Variants in MYO16 observed in about 807,000 individuals in gnomAD.
The protein encoded by MYO16 is unconventional myosin-XVI.
MYO16 carries 94 observed loss-of-function variants against 205.3 expected under a neutral mutation model. That is an observed-to-expected ratio of 0.46 (90% CI 0.39 to 0.54). The LOEUF is 0.54. Among genes scored for constraint, MYO16 ranks in the 20% least tolerant of loss-of-function variants. The pLI is 0.00. For synonymous variants in MYO16, 988 were observed against 954.0 expected (o/e 1.04, Z -0.66); for missense variants, 2,315 against 2,387.5 (o/e 0.97, Z 0.63).
intron 5 of MYO16, among the ~76,000 whole-genome samples, chr13:108,792,755 G>C (rs1886656123): frequency 6.6e-6 from 1 of 151,900 alleles, no homozygotes; most frequent in South Asian, 2.1e-4. Context: ...CAGGTGATCT[G>C]CCCACCTTGG....
intron 1 of MYO16, among the ~76,000 whole-genome samples, chr13:108,635,417 C>T (rs978904715): frequency 6.6e-6 from 1 of 151,920 alleles, no homozygotes; most frequent in African/African-American, 2.4e-5. Flanking sequence ...GTTTTTAATC[C>T]TTTTACTTAT....
At chr13:109,085,389 G>A (rs936698325) in intron 27 of MYO16, among the ~76,000 whole-genome samples, 1 of 152,194 alleles carries the variant, frequency 6.6e-6, no homozygotes, top group Non-Finnish European at 1.5e-5. Context: ...GATGTGGAAG[G>A]ACCACAAGTT....
chr13:108,906,113 A>G (rs1880961683), intron 15 of MYO16, among the ~76,000 whole-genome samples: 1 of 152,144 alleles, frequency 6.6e-6, no homozygotes, highest in South Asian at 2.1e-4. Context: ...AATATTCAGT[A>G]TGTTAACATT....
chr13:109,021,339 G>T (rs1226104866), intron 23 of MYO16, among the ~76,000 whole-genome samples: 3 of 152,080 alleles, frequency 2.0e-5, no homozygotes, highest in African/African-American at 7.2e-5. Context: ...TGCTGCTACA[G>T]CTACTGCTAC....
At chr13:109,180,029 A>C (rs1283685417) in intron 34 of MYO16, among the ~76,000 whole-genome samples, 7 of 152,128 alleles carry the variant, frequency 4.6e-5, no homozygotes, top group African/African-American at 1.7e-4. Context: ...TGCTTGAACC[A>C]CCTGTGGTTT....
chr13:108,712,782 T>C (rs781737507), intron 3 of MYO16, 51 bp downstream of exon 3: 1 of 1,445,834 alleles, frequency 6.9e-7, no homozygotes, highest in Admixed American at 2.1e-5. Flanking sequence ...CGGGGGAGAG[T>C]ACATTACAGG....
chr13:108,844,534 T>C (rs367698620), intron 10 of MYO16, 41 bp downstream of exon 10: 1 of 1,533,336 alleles, frequency 6.5e-7, no homozygotes. Context: ...TACTTTTTCA[T>C]ATCAAGTAAT....
At chr13:108,501,942 T>C in the MYO16 span, among the ~76,000 whole-genome samples, 1 of 152,044 alleles carries the variant, frequency 6.6e-6, no homozygotes, top group African/African-American at 2.4e-5. Context: ...AGACTGGACA[T>C]ATAAAAATAA....
intron 27 of MYO16, among the ~76,000 whole-genome samples, chr13:109,086,370 G>T (rs1888435480): frequency 6.6e-6 from 1 of 152,154 alleles, no homozygotes. Flanking sequence ...ATCAAAAGAG[G>T]TAACTTCCAG....
chr13:109,065,521 A>G (rs1887718079), intron 27 of MYO16: 1 of 433,588 alleles, frequency 2.3e-6, no homozygotes, highest in Non-Finnish European at 4.5e-6. Context: ...ATAGGAGGCC[A>G]TGCTGAAAAA....
chr13:108,743,610 A>G (rs1884974760), intron 4 of MYO16, among the ~76,000 whole-genome samples: 1 of 152,198 alleles, frequency 6.6e-6, no homozygotes, highest in Non-Finnish European at 1.5e-5. Context: ...TGGAAATTGC[A>G]GGGAACATTT....
chr13:108,672,163 C>A (rs1882016970), intron 2 of MYO16, among the ~76,000 whole-genome samples: 1 of 152,136 alleles, frequency 6.6e-6, no homozygotes, highest in Admixed American at 6.6e-5. Flanking sequence ...TGAAAGTAAT[C>A]TCTTTAGAAA....
At chr13:109,136,487 T>A (rs991596867) in intron 31 of MYO16, among the ~76,000 whole-genome samples, 1 of 152,202 alleles carries the variant, frequency 6.6e-6, no homozygotes, top group African/African-American at 2.4e-5. Flanking sequence ...CTTGTTCCTT[T>A]ATAGTGAATA....
chr13:108,961,510 T>A, intron 17 of MYO16, 29 bp from the exon 18 acceptor site: 1 of 1,570,726 alleles, frequency 6.4e-7, no homozygotes, highest in Non-Finnish European at 8.8e-7. Flanking sequence ...AAGCACCCTA[T>A]TCATTCTCTC....
rs183513503 is a variant in MYO16 at position 108,936,057 on chromosome 13, C to G, written c.1926-21631C>G. Reference sequence around the variant, plus strand: ...TAGTATTTCGTTGAGATTTTTGTGTCTATGTTCATCAGGGATATTGGCTAT... The same window carrying G: ...TAGTATTTCGTTGAGATTTTTGTGTGTATGTTCATCAGGGATATTGGCTAT... On this transcript the variant is annotated intron_variant, in intron 16 of 34. Transcript: ENST00000457511. 4.6e-5 allele frequency among the ~76,000 whole-genome samples: 7 copies of G among 151,646 alleles called. No homozygotes were observed. In the East Asian group the frequency reaches 1.4e-3, roughly 29 times the overall value.
intron 11 of MYO16, among the ~76,000 whole-genome samples, chr13:108,862,045 T>C (rs940660982): frequency 2.6e-5 from 4 of 152,178 alleles, no homozygotes; most frequent in African/African-American, 9.7e-5. Context: ...TTTATTATTT[T>C]AGCATTTACA....
intron 4 of MYO16, among the ~76,000 whole-genome samples, chr13:108,734,448 A>G (rs1159309643): frequency 1.3e-5 from 2 of 152,130 alleles, no homozygotes; most frequent in Non-Finnish European, 2.9e-5. Context: ...AGATAATCAT[A>G]TTTTCAACAT....
chr13:108,650,443 A>G (rs148879362), intron 1 of MYO16, among the ~76,000 whole-genome samples: 5 of 152,306 alleles, frequency 3.3e-5, no homozygotes, highest in East Asian at 1.9e-4. Flanking sequence ...GCACCAGAGA[A>G]TTTGCCTATT....
chr13:108,724,721 G>T (rs1222601270), intron 3 of MYO16, among the ~76,000 whole-genome samples: 1 of 151,946 alleles, frequency 6.6e-6, no homozygotes, highest in African/African-American at 2.4e-5. Flanking sequence ...GTTTCAGGTG[G>T]CATCCTACCC....
Sources: allele counts gnomAD v4.1 joint callset (sites outside exome capture counted in the v4.1 genomes callset), GRCh38; gene constraint gnomAD v4.1.1; transcripts MANE v1.5; gene names NCBI Gene and HGNC (gene_info 2026-07-23, HGNC 2026-07-21).